The following SLC24A2 variants were observed in gnomAD, a reference collection of about 807,000 sequenced individuals.
The protein encoded by SLC24A2 is solute carrier family 24 member 2.
Under a neutral mutation model 62.0 loss-of-function variants are expected in SLC24A2, and 36 were observed. The ratio of observed to expected loss-of-function variants is 0.58; its 90% confidence interval spans 0.44 to 0.77. The LOEUF (loss-of-function observed/expected upper bound fraction) is 0.77, where lower values mean the gene tolerates loss of function less well. Among genes scored for constraint, SLC24A2 ranks in the 30% least tolerant of loss-of-function variants. The pLI, the probability that SLC24A2 is intolerant of heterozygous loss-of-function variation, is 0.00. For missense variants in SLC24A2, 846 were observed against 817.9 expected (o/e 1.03, Z -0.42); for synonymous variants, 358 against 294.0 (o/e 1.22, Z -2.23).
the SLC24A2 span, among the ~76,000 whole-genome samples, chr9:20,294,125 C>G: frequency 1.4e-3 from 212 of 152,210 alleles, no homozygotes; most frequent in African/African-American, 4.9e-3. Context: ...CAGCTTCCCT[C>G]CTGGAATGGC....
intron 9 of SLC24A2, among the ~76,000 whole-genome samples, chr9:19,525,651 G>T (rs929226460): frequency 6.6e-6 from 1 of 151,254 alleles, no homozygotes; most frequent in Non-Finnish European, 1.5e-5. Flanking sequence ...GGATCTGCCT[G>T]CCTCAGCATC....
intron 8 of SLC24A2, among the ~76,000 whole-genome samples, chr9:19,547,187 G>A (rs1008574393): frequency 1.3e-5 from 2 of 152,134 alleles, no homozygotes; most frequent in African/African-American, 4.8e-5. Context: ...AAACCAAAGT[G>A]TTCTTCCTAA....
chr9:19,963,718 A>C, the SLC24A2 span, among the ~76,000 whole-genome samples: 1 of 152,086 alleles, frequency 6.6e-6, no homozygotes, highest in Non-Finnish European at 1.5e-5. Flanking sequence ...GTCAGGAAAC[A>C]ACAGCTGCTG....
At chr9:19,801,909 TC>T in the SLC24A2 span, among the ~76,000 whole-genome samples, 2 of 152,156 alleles carry the variant, frequency 1.3e-5, no homozygotes, top group Non-Finnish European at 2.9e-5. Context: ...GCAGTAGAGG[TC>T]GTCCTTTATT....
At chr9:20,103,639 C>G in the SLC24A2 span, among the ~76,000 whole-genome samples, 1 of 152,334 alleles carries the variant, frequency 6.6e-6, no homozygotes, top group African/African-American at 2.4e-5. Context: ...GCTGAGGGTC[C>G]TGTCTGTTAG....
chr9:19,782,206 A>G (rs1360334485), intron 2 of SLC24A2, among the ~76,000 whole-genome samples: 1 of 152,230 alleles, frequency 6.6e-6, no homozygotes, highest in African/African-American at 2.4e-5. Context: ...TAACAGATCA[A>G]CGGCCCCCAG....
chr9:19,968,817 C>T, the SLC24A2 span, among the ~76,000 whole-genome samples: 607 of 152,204 alleles, frequency 4.0e-3, 4 homozygotes, highest in African/African-American at 0.014. Context: ...GCATTCATCT[C>T]AAGGCATGAG....
At chr9:19,560,879 T>TTGTGTG (rs779469797) in intron 7 of SLC24A2, among the ~76,000 whole-genome samples, 10,618 of 136,956 alleles carry the variant, frequency 0.078, 429 homozygotes, top group African/African-American at 0.099. Flanking sequence ...GTCTTTGCAT[T>TTGTGTG]TGTGTGTGTG....
chr9:19,915,802 T>C, the SLC24A2 span, among the ~76,000 whole-genome samples: 2 of 152,066 alleles, frequency 1.3e-5, no homozygotes, highest in Non-Finnish European at 2.9e-5. Context: ...TTCTTGAGTT[T>C]TGTGAGGTTC....
At chr9:19,521,558 C>G (rs1186455657) in intron 9 of SLC24A2, among the ~76,000 whole-genome samples, 1 of 152,250 alleles carries the variant, frequency 6.6e-6, no homozygotes, top group African/African-American at 2.4e-5. Flanking sequence ...ATAATTTCCA[C>G]TGGAATCTCG....
the SLC24A2 span, among the ~76,000 whole-genome samples, chr9:19,933,909 C>T: frequency 6.6e-6 from 1 of 152,130 alleles, no homozygotes; most frequent in African/African-American, 2.4e-5. Flanking sequence ...TGAGATTCCC[C>T]AAACAGGCAA....
the SLC24A2 span, among the ~76,000 whole-genome samples, chr9:19,934,003 A>G: frequency 1.3e-5 from 2 of 152,172 alleles, no homozygotes; most frequent in Non-Finnish European, 2.9e-5. This position sits in a 1 kb window ranked among gnomAD's most constrained non-coding sequence, Gnocchi z 4.1. Flanking sequence ...TAATGAGCAG[A>G]GGGCTTTCTT....
the SLC24A2 span, among the ~76,000 whole-genome samples, chr9:19,901,658 C>G: frequency 6.6e-6 from 1 of 152,134 alleles, no homozygotes; most frequent in East Asian, 1.9e-4. Context: ...TTGGTGGAGA[C>G]TTAATATTGT....
At chr9:19,869,806 G>T in the SLC24A2 span, among the ~76,000 whole-genome samples, 1 of 152,140 alleles carries the variant, frequency 6.6e-6, no homozygotes, top group East Asian at 1.9e-4. Context: ...TATCTTTGTG[G>T]ATCTTTTGTA....
chr9:19,857,746 G>GT, the SLC24A2 span, among the ~76,000 whole-genome samples: 11,533 of 148,158 alleles, frequency 0.078, 543 homozygotes, highest in East Asian at 0.23. Context: ...ACTTCAGTAG[G>GT]TTTTTTTTTT....
chr9:20,116,953 C>G, the SLC24A2 span, among the ~76,000 whole-genome samples: 1 of 152,148 alleles, frequency 6.6e-6, no homozygotes, highest in Admixed American at 6.6e-5. Context: ...TGCAAGCATA[C>G]TAGCTTTCAT....
the SLC24A2 span, among the ~76,000 whole-genome samples, chr9:20,000,734 G>T: frequency 6.6e-6 from 1 of 152,126 alleles, no homozygotes; most frequent in Non-Finnish European, 1.5e-5. Context: ...ATGGACCCCA[G>T]TTTTGCCTTA....
At chr9:19,842,889 A>G in the SLC24A2 span, among the ~76,000 whole-genome samples, 1 of 152,188 alleles carries the variant, frequency 6.6e-6, no homozygotes, top group Non-Finnish European at 1.5e-5. Flanking sequence ...TCCCTTCTAT[A>G]ATAAATGATT....
chr9:19,744,667 T>G (rs1051277067), intron 2 of SLC24A2, among the ~76,000 whole-genome samples: 2 of 152,306 alleles, frequency 1.3e-5, no homozygotes, highest in Admixed American at 1.3e-4. Flanking sequence ...TCTGGTAAGT[T>G]TTAAATGTTG....
Sources: allele counts gnomAD v4.1 joint callset (sites outside exome capture counted in the v4.1 genomes callset), GRCh38; gene constraint gnomAD v4.1.1; non-coding constraint Gnocchi (gnomAD v3.1); transcripts MANE v1.5; gene names NCBI Gene and HGNC (gene_info 2026-07-23, HGNC 2026-07-21).